Variants in TMCO5A observed in about 807,000 individuals in gnomAD.
The protein encoded by TMCO5A is transmembrane and coiled-coil domains 5A, also known as transmembrane and coiled-coil domain-containing protein 5A.
TMCO5A carries 34 observed loss-of-function variants against 42.3 expected under a neutral mutation model. The ratio of observed to expected loss-of-function variants is 0.80; its 90% CI spans 0.61 to 1.07. TMCO5A has a LOEUF of 1.07. TMCO5A is among the 50% of genes least tolerant of loss of function. The pLI is 0.00. For synonymous variants in TMCO5A, 131 were observed against 115.6 expected, an observed-to-expected ratio of 1.13 and a Z score of -0.86; for missense variants, 357 against 327.9, an observed-to-expected ratio of 1.09 and a Z score of -0.69.
chr15:37,980,386 G>C, the TMCO5A span, among the ~76,000 whole-genome samples: 5 of 152,270 alleles, frequency 3.3e-5, no homozygotes, highest in East Asian at 9.7e-4. Context: ...GCTCCAAGCA[G>C]CTCATGTCAG....
chr15:38,037,727 A>T, the TMCO5A span, among the ~76,000 whole-genome samples: 1 of 152,160 alleles, frequency 6.6e-6, no homozygotes, highest in African/African-American at 2.4e-5. Flanking sequence ...AATAAAAGTA[A>T]TTGTTGGCCA....
chr15:38,033,364 G>A, the TMCO5A span, among the ~76,000 whole-genome samples: 1 of 152,234 alleles, frequency 6.6e-6, no homozygotes, highest in East Asian at 1.9e-4. Context: ...TTTTGTCTAA[G>A]TGCTATTCTG....
chr15:38,017,911 G>T, the TMCO5A span, among the ~76,000 whole-genome samples: 2 of 152,112 alleles, frequency 1.3e-5, no homozygotes, highest in East Asian at 3.8e-4. Context: ...ATGAGATCTG[G>T]TTGTTTGAAA....
the TMCO5A span, among the ~76,000 whole-genome samples, chr15:38,010,785 C>G: frequency 2.0e-5 from 3 of 152,184 alleles, no homozygotes; most frequent in Non-Finnish European, 4.4e-5. Flanking sequence ...CAGTGCCTCA[C>G]TCTGCCACCC....
chr15:37,945,070 C>A (rs1274499559), intron 10 of TMCO5A, among the ~76,000 whole-genome samples: 4 of 152,082 alleles, frequency 2.6e-5, no homozygotes, highest in African/African-American at 9.7e-5. Flanking sequence ...TGTTCCCCTG[C>A]ATGTGTCCAT....
chr15:37,998,229 C>T, the TMCO5A span, among the ~76,000 whole-genome samples: 1 of 152,112 alleles, frequency 6.6e-6, no homozygotes, highest in Non-Finnish European at 1.5e-5. Flanking sequence ...TCCACTTTTG[C>T]TTTAGTTGCA....
chr15:38,034,308 G>A, the TMCO5A span, among the ~76,000 whole-genome samples: 6 of 152,050 alleles, frequency 3.9e-5, no homozygotes, highest in Admixed American at 6.5e-5. Flanking sequence ...GACACATTCA[G>A]GCCACAGCAA....
chr15:38,011,969 A>C, the TMCO5A span, among the ~76,000 whole-genome samples: 1 of 152,056 alleles, frequency 6.6e-6, no homozygotes, highest in Non-Finnish European at 1.5e-5. Context: ...CTGAAAATAC[A>C]AAAAAGTAGC....
At chr15:37,971,067 G>T (rs1048667610), downstream of TMCO5A, among the ~76,000 whole-genome samples, 17 of 152,172 alleles carry the variant, frequency 1.1e-4, no homozygotes, top group Non-Finnish European at 2.1e-4. Context: ...TCTGTGTGGG[G>T]GCTCTGACCT....
chr15:38,023,252 C>A, the TMCO5A span, among the ~76,000 whole-genome samples: 1 of 152,128 alleles, frequency 6.6e-6, no homozygotes, highest in Admixed American at 6.5e-5. Flanking sequence ...TAGTGATAAA[C>A]CACCTCACAA....
chr15:37,998,666 G>T, the TMCO5A span, among the ~76,000 whole-genome samples: 28 of 151,984 alleles, frequency 1.8e-4, no homozygotes, highest in African/African-American at 6.5e-4. Context: ...GCCCAGGATG[G>T]CTTTGACTGT....
chr15:37,957,826 C>T (rs1486623779), intron 11 of TMCO5A, among the ~76,000 whole-genome samples: 1 of 152,162 alleles, frequency 6.6e-6, no homozygotes, highest in Non-Finnish European at 1.5e-5. Flanking sequence ...CATTGTACTA[C>T]CTGACTTCAA....
chr15:38,029,311 T>C, the TMCO5A span, among the ~76,000 whole-genome samples: 1 of 151,120 alleles, frequency 6.6e-6, no homozygotes, highest in African/African-American at 2.4e-5. Flanking sequence ...CTTTCACAAA[T>C]ACAGGCACAC....
chr15:37,941,277 C>T, intron 7 of TMCO5A, 72 bp downstream of exon 7: 1 of 1,444,530 alleles, frequency 6.9e-7, no homozygotes, highest in South Asian at 1.2e-5. Flanking sequence ...CAATCTATTT[C>T]TCAAGTGATT....
the TMCO5A span, among the ~76,000 whole-genome samples, chr15:37,973,444 A>G: frequency 1.3e-5 from 2 of 151,766 alleles, no homozygotes; most frequent in African/African-American, 4.8e-5. Flanking sequence ...GTCATCTCTG[A>G]TTTCTTTGAG....
chr15:37,983,731 G>GT, the TMCO5A span, among the ~76,000 whole-genome samples: 4,948 of 125,856 alleles, frequency 0.039, 275 homozygotes, highest in African/African-American at 0.14. Context: ...TTTTTTTTTT[G>GT]TTTTTTTTTT....
the TMCO5A span, among the ~76,000 whole-genome samples, chr15:38,021,472 A>T: frequency 1.4e-5 from 2 of 145,946 alleles, no homozygotes; most frequent in African/African-American, 2.5e-5. Flanking sequence ...ATGTGGGGGG[A>T]TTTTTTTAGA....
chr15:37,967,606 ATTAGC>A (rs1319230206), exon 12 of TMCO5A: 1 of 152,230 alleles, frequency 6.6e-6, no homozygotes, highest in East Asian at 1.9e-4. Context: ...AATTCTACCT[ATTAGC>A]TTAGTATTAG....
At chr15:37,943,496 C>A in intron 10 of TMCO5A, 98 bp downstream of exon 10, 2 of 1,197,722 alleles carry the variant, frequency 1.7e-6, no homozygotes, top group Non-Finnish European at 2.4e-6. Context: ...CCCAATCTTG[C>A]CATGCGCATT....
Sources: gnomAD v4.1 joint callset for allele counts (sites outside exome capture counted in the v4.1 genomes callset) on GRCh38, gnomAD v4.1.1 for gene constraint, MANE v1.5 for transcripts, NCBI Gene and HGNC (gene_info 2026-07-23, HGNC 2026-07-21) for gene names.